Variants in LPAR1 observed in about 807,000 individuals in gnomAD.
LPAR1 encodes lysophosphatidic acid receptor 1, also known as LPA receptor 1.
A neutral mutation model predicts 23.8 loss-of-function variants in LPAR1; 5 were observed. The ratio of observed to expected loss-of-function variants is 0.21; its 90% CI spans 0.11 to 0.44. The LOEUF is 0.44. Among genes scored for constraint, LPAR1 ranks in the 20% least tolerant of loss-of-function variants. The pLI, the probability that LPAR1 is intolerant of heterozygous loss-of-function variation, is 0.99. For synonymous variants in LPAR1, 160 were observed against 164.7 expected, an observed-to-expected ratio of 0.97 and a Z score of 0.22; for missense variants, 311 against 482.8, an observed-to-expected ratio of 0.64 and a Z score of 3.33.
chr9:110,978,925 G>C (rs1260498993), intron 2 of LPAR1, among the ~76,000 whole-genome samples: 1 of 152,150 alleles, frequency 6.6e-6, no homozygotes, highest in African/African-American at 2.4e-5. Flanking sequence ...GTGGTTGTGG[G>C]GAGAGGGAGT....
chr9:111,015,777 T>A (rs1441866093), intron 2 of LPAR1, among the ~76,000 whole-genome samples: 1 of 152,076 alleles, frequency 6.6e-6, no homozygotes, highest in African/African-American at 2.4e-5. Flanking sequence ...TAAATAACTT[T>A]TTTTAAAAAG....
chr9:110,883,441 T>C (rs1194357410), intron 5 of LPAR1, among the ~76,000 whole-genome samples: 2 of 152,008 alleles, frequency 1.3e-5, no homozygotes, highest in African/African-American at 4.8e-5. Context: ...AAACAAAAAT[T>C]TTTTAAAAAG....
At chr9:111,007,395 C>T (rs187940063) in intron 2 of LPAR1, among the ~76,000 whole-genome samples, 299 of 151,908 alleles carry the variant, frequency 2.0e-3, no homozygotes, top group African/African-American at 7.0e-3. Context: ...AGTTTAAAAA[C>T]GAAAATTATA....
intron 5 of LPAR1, among the ~76,000 whole-genome samples, chr9:110,936,208 C>A (rs769443223): frequency 2.5e-4 from 38 of 152,180 alleles, no homozygotes; most frequent in Admixed American, 9.2e-4. Context: ...AGAATTTTTT[C>A]TCTTATCCCT....
intron 5 of LPAR1, among the ~76,000 whole-genome samples, chr9:110,899,112 G>A (rs577902286): frequency 6.6e-6 from 1 of 152,288 alleles, no homozygotes; most frequent in South Asian, 2.1e-4. Context: ...TGTTAAGAAT[G>A]GAAATACTGG....
chr9:110,959,310 GGAAAGGAGGAAAGGAA>G (rs1487739818), intron 4 of LPAR1, among the ~76,000 whole-genome samples: 3 of 151,490 alleles, frequency 2.0e-5, no homozygotes, highest in African/African-American at 7.3e-5. Context: ...GAGGAAAGGA[GGAAAGGAGGAAAGGAA>G]GAAAGGAAGA....
At chr9:110,877,841 T>A (rs149521887) in intron 5 of LPAR1, among the ~76,000 whole-genome samples, 245 of 152,304 alleles carry the variant, frequency 1.6e-3, no homozygotes, top group African/African-American at 5.7e-3. Context: ...GAAGGGAATA[T>A]CTTTATTCTC....
At chr9:111,000,844 C>G (rs942424787) in intron 2 of LPAR1, among the ~76,000 whole-genome samples, 1 of 152,164 alleles carries the variant, frequency 6.6e-6, no homozygotes, top group African/African-American at 2.4e-5. Context: ...AATGGAAATA[C>G]TCTTATTCTC....
chr9:110,888,694 A>C (rs1351798200), intron 5 of LPAR1, among the ~76,000 whole-genome samples: 1 of 152,198 alleles, frequency 6.6e-6, no homozygotes, highest in Non-Finnish European at 1.5e-5. Flanking sequence ...CTGGAAGAGC[A>C]AGTGTGGATA....
intron 5 of LPAR1, among the ~76,000 whole-genome samples, chr9:110,905,670 A>C (rs1440585877): frequency 6.6e-6 from 1 of 152,144 alleles, no homozygotes; most frequent in African/African-American, 2.4e-5. Context: ...TTTTATAAAT[A>C]AGTATAAACA....
intron 2 of LPAR1, among the ~76,000 whole-genome samples, chr9:111,031,393 T>TA (rs56906013): frequency 0.35 from 35,943 of 103,296 alleles, 5,247 homozygotes; most frequent in East Asian, 0.61. Context: ...CCCATTTCTT[T>TA]AAAAAAAAAA....
At chr9:110,926,142 G>A (rs1430596557) in intron 5 of LPAR1, among the ~76,000 whole-genome samples, 2 of 152,044 alleles carry the variant, frequency 1.3e-5, no homozygotes, top group African/African-American at 4.8e-5. Flanking sequence ...GGATGGTCTC[G>A]ATCTCCTGAC....
intron 5 of LPAR1, among the ~76,000 whole-genome samples, chr9:110,909,563 T>C (rs2092053976): frequency 6.6e-6 from 1 of 152,162 alleles, no homozygotes; most frequent in African/African-American, 2.4e-5. Flanking sequence ...GTGGCAGCCC[T>C]GTATCACACA....
intron 2 of LPAR1, among the ~76,000 whole-genome samples, chr9:111,016,712 A>C (rs867777566): frequency 6.6e-6 from 1 of 152,244 alleles, no homozygotes; most frequent in Admixed American, 6.5e-5. Context: ...ATCCTTTTGC[A>C]TGAAGTAATA....
intron 4 of LPAR1, among the ~76,000 whole-genome samples, chr9:110,959,912 T>C (rs191164134): frequency 7.1e-4 from 108 of 151,958 alleles, no homozygotes; most frequent in Non-Finnish European, 1.2e-3. Context: ...ATGACAAATA[T>C]CCCAGGCATG....
chr9:110,989,733 A>C (rs527744010), intron 2 of LPAR1, among the ~76,000 whole-genome samples: 1 of 152,182 alleles, frequency 6.6e-6, no homozygotes, highest in South Asian at 2.1e-4. Flanking sequence ...AAACATAACC[A>C]TATGAAAACA....
In LPAR1 at chr9:110,942,175, GA is replaced by G; in HGVS notation, c.46-8del. On this transcript the variant is annotated splice_region_variant and splice_polypyrimidine_tract_variant and intron_variant, in intron 4 of 5. Transcript: ENST00000683809. ...GTTCATTCATGGCTGTGAACTAAAAGAAAAAGGAGAAAAGATGATGAAAAAG... is the reference window on the plus strand; with the variant it reads ...GTTCATTCATGGCTGTGAACTAAAAGAAAAGGAGAAAAGATGATGAAAAAG... 1.3e-6 allele frequency: 2 copies of G among 1,584,610 alleles called. No individual in the cohort carries two copies. Among genetic ancestry groups the G allele is most frequent in the Non-Finnish European group, 1.7e-6 (2 of 1,169,146 alleles).
intron 2 of LPAR1, among the ~76,000 whole-genome samples, chr9:110,975,207 T>C (rs1371440417): frequency 2.0e-5 from 3 of 152,080 alleles, no homozygotes; most frequent in Non-Finnish European, 2.9e-5. Context: ...ATTCAGAATA[T>C]AGAGAGTTGC....
intron 2 of LPAR1, among the ~76,000 whole-genome samples, chr9:110,995,050 G>A (rs1324330188): frequency 6.6e-6 from 1 of 152,184 alleles, no homozygotes; most frequent in African/African-American, 2.4e-5. Context: ...GACAAAGGCA[G>A]ATGCTCCAGC....
Sources: allele counts gnomAD v4.1 joint callset (sites outside exome capture counted in the v4.1 genomes callset), GRCh38; gene constraint gnomAD v4.1.1; transcripts MANE v1.5; gene names NCBI Gene and HGNC (gene_info 2026-07-23, HGNC 2026-07-21).